The following SCIN variants were observed in gnomAD, a reference collection of about 807,000 sequenced individuals.
The protein encoded by SCIN is adseverin.
SCIN carries 91 observed loss-of-function variants against 91.8 expected under a neutral mutation model. That is an observed-to-expected ratio of 0.99 (90% confidence interval 0.84 to 1.18). The LOEUF is 1.18. Ranked by LOEUF, SCIN falls within the 50% of genes most tolerant of loss-of-function variation. The probability of loss-of-function intolerance (pLI) is 0.00; values close to 1 mark genes in which losing one functional copy is unlikely to be tolerated. For synonymous variants in SCIN, 367 were observed against 312.6 expected, an observed-to-expected ratio of 1.17 and a Z score of -1.84; for missense variants, 1,087 against 863.9, an observed-to-expected ratio of 1.26 and a Z score of -3.24.
chr7:12,590,412 G>A (rs1782693582), intron 3 of SCIN, among the ~76,000 whole-genome samples: 1 of 152,104 alleles, frequency 6.6e-6, no homozygotes, highest in African/African-American at 2.4e-5. Context: ...ATGTCTCTTA[G>A]TGAGGTGAAT....
At chr7:12,595,060 A>G (rs1368265231) in intron 3 of SCIN, among the ~76,000 whole-genome samples, 1 of 152,006 alleles carries the variant, frequency 6.6e-6, no homozygotes, top group African/African-American at 2.4e-5. Flanking sequence ...AGAATCCTCT[A>G]AGGACGCCCA....
intron 13 of SCIN, among the ~76,000 whole-genome samples, chr7:12,649,180 C>G (rs1411721176): frequency 6.6e-6 from 1 of 152,134 alleles, no homozygotes; most frequent in Non-Finnish European, 1.5e-5. Context: ...GCATTCCTCT[C>G]AAAGTTCAGA....
intron 4 of SCIN, among the ~76,000 whole-genome samples, chr7:12,611,595 C>G (rs1783192818): frequency 6.6e-6 from 1 of 152,140 alleles, no homozygotes; most frequent in African/African-American, 2.4e-5. Context: ...TTAGATAAAT[C>G]AATCATTCTC....
chr7:12,630,322 C>G (rs906873329), intron 9 of SCIN, among the ~76,000 whole-genome samples: 1 of 152,202 alleles, frequency 6.6e-6, no homozygotes, highest in Admixed American at 6.5e-5. Context: ...CCCACAAAGG[C>G]AGAACCTGCA....
At chr7:12,599,319 A>C (rs1338061753) in intron 3 of SCIN, among the ~76,000 whole-genome samples, 1 of 152,122 alleles carries the variant, frequency 6.6e-6, no homozygotes, top group Admixed American at 6.6e-5. Context: ...ATATCATGGA[A>C]TAAGATAGGA....
At chr7:12,629,979 A>G (rs1783608951) in intron 9 of SCIN, among the ~76,000 whole-genome samples, 1 of 152,132 alleles carries the variant, frequency 6.6e-6, no homozygotes, top group South Asian at 2.1e-4. Flanking sequence ...CTTAAAAAAG[A>G]TCTTCAAGCA....
intron 1 of SCIN, chr7:12,571,630 G>GA (rs1346715943): frequency 1.8e-5 from 8 of 453,980 alleles, no homozygotes; most frequent in Non-Finnish European, 3.1e-5. Context: ...ATAGAAGTAA[G>GA]AAAAAAATAC....
chr7:12,590,721 G>A (rs1782703285), intron 3 of SCIN, among the ~76,000 whole-genome samples: 3 of 152,124 alleles, frequency 2.0e-5, no homozygotes, highest in Admixed American at 2.0e-4. Context: ...GATTTCATCT[G>A]AACCTGTTCG....
rs554716983 is a variant in SCIN at position 12,647,081 on chromosome 7, A to G, written c.1881+2376A>G. Reference sequence around the variant, plus strand: ...TATGCTCCTATAATTTCTTATTAGAATTATTTATTAACATTGCTATAAATT... The same window carrying G: ...TATGCTCCTATAATTTCTTATTAGAGTTATTTATTAACATTGCTATAAATT... On this transcript the variant is annotated intron_variant, in intron 13 of 15. Coordinates refer to ENST00000297029, the MANE Select transcript of SCIN (RefSeq NM_001112706.3). Among the ~76,000 whole-genome samples, 4 of 152,314 alleles carry G rather than the reference A, an allele frequency of 2.6e-5. No individual in the cohort carries two copies. In the South Asian group the frequency reaches 6.2e-4, roughly 24 times the overall value.
intron 3 of SCIN, among the ~76,000 whole-genome samples, chr7:12,596,709 A>T (rs1161311804): frequency 2.6e-5 from 4 of 151,540 alleles, no homozygotes; most frequent in African/African-American, 9.7e-5. Flanking sequence ...GGTTTGGCAA[A>T]CACTTTGAGT....
At chr7:12,581,591 A>G (rs1782489379) in intron 3 of SCIN, among the ~76,000 whole-genome samples, 1 of 152,208 alleles carries the variant, frequency 6.6e-6, no homozygotes, top group African/African-American at 2.4e-5. Context: ...GTTCTAGAAT[A>G]TAATATGGAC....
intron 3 of SCIN, among the ~76,000 whole-genome samples, chr7:12,590,686 C>G (rs1362977877): frequency 6.6e-6 from 1 of 151,884 alleles, no homozygotes; most frequent in East Asian, 1.9e-4. Flanking sequence ...CTTTTGCTGC[C>G]TCATCGGCCT....
intron 4 of SCIN, among the ~76,000 whole-genome samples, chr7:12,618,498 G>A (rs955833581): frequency 1.3e-5 from 2 of 151,980 alleles, no homozygotes; most frequent in African/African-American, 2.4e-5. Context: ...ATGAATAAAG[G>A]AATAAAGGTA....
chr7:12,629,010 T>C, intron 8 of SCIN, 91 bp from the exon 9 acceptor site: 1 of 1,121,498 alleles, frequency 8.9e-7, no homozygotes, highest in Non-Finnish European at 1.2e-6. Flanking sequence ...TGTTTAATAA[T>C]GGATTTGAAC....
At chr7:12,646,856 G>C (rs1441335298) in intron 13 of SCIN, among the ~76,000 whole-genome samples, 9 of 152,134 alleles carry the variant, frequency 5.9e-5, no homozygotes, top group African/African-American at 2.2e-4. Context: ...CTCCCTTGAA[G>C]GTTATAAATG....
chr7:12,647,631 G>A (rs752525359), intron 13 of SCIN, among the ~76,000 whole-genome samples: 23 of 152,264 alleles, frequency 1.5e-4, no homozygotes, highest in Middle Eastern at 3.4e-3. Context: ...CAGTGCTGAC[G>A]TCAAGTTAAG....
intron 4 of SCIN, among the ~76,000 whole-genome samples, chr7:12,619,000 C>T (rs1783353370): frequency 6.6e-6 from 1 of 152,064 alleles, no homozygotes; most frequent in East Asian, 1.9e-4. Context: ...AGACACGGAT[C>T]TAAGGCAAAA....
intron 3 of SCIN, among the ~76,000 whole-genome samples, chr7:12,597,757 G>C (rs935457739): frequency 3.9e-5 from 6 of 152,176 alleles, no homozygotes; most frequent in Non-Finnish European, 5.9e-5. Context: ...GCCAGTAACA[G>C]ATTGTATTTA....
In SCIN at chr7:12,657,584, TTTTTTTTTTTTTTTG is replaced by T. The variant is rs1471460978; in HGVS notation, c.*4870_*4884del. 1.1e-3 allele frequency: 110 copies of T among 100,196 alleles called. 1 individual carries two copies. Among genetic ancestry groups the T allele is most frequent in the African/African-American group, 5.0e-3 (108 of 21,528 alleles). The allele number at this position is 100,196 out of a possible 1,614,324, so 6.2% of individuals were successfully genotyped here. On this transcript the variant is annotated 3_prime_UTR_variant, in exon 16 of 16. Coordinates refer to ENST00000297029, the MANE Select transcript of SCIN (RefSeq NM_001112706.3). ...TATATATATATATATTTTTTTTTTT[TTTTTTTTTTTTTTTG>T]CATTGGCAAAAAAACAAAGATATTG...
Sources: allele counts gnomAD v4.1 joint callset (sites outside exome capture counted in the v4.1 genomes callset), GRCh38; gene constraint gnomAD v4.1.1; transcripts MANE v1.5; gene names NCBI Gene and HGNC (gene_info 2026-07-23, HGNC 2026-07-21).